The following SLC26A7 variants were observed in gnomAD, a reference collection of about 807,000 sequenced individuals.
SLC26A7 encodes the protein solute carrier family 26 member 7.
SLC26A7 carries 59 observed loss-of-function variants against 82.5 expected under a neutral mutation model. That is an observed-to-expected ratio of 0.72 (90% CI 0.58 to 0.89). The LOEUF (loss-of-function observed/expected upper bound fraction) is 0.89, where lower values mean the gene tolerates loss of function less well. Ranked by LOEUF, SLC26A7 falls within the 40% of genes least tolerant of loss-of-function variation. SLC26A7 has a pLI of 0.00. For missense variants in SLC26A7, 820 were observed against 793.0 expected (o/e 1.03, Z -0.41); for synonymous variants, 271 against 274.3 (o/e 0.99, Z 0.12).
In SLC26A7 at chr8:91,249,788, A is replaced by T. The variant is rs1810609777; in HGVS notation, c.137A>T (p.Asn46Ile). The T allele has an allele frequency of 6.2e-7, 1 of 1,612,146 alleles. No homozygotes were observed. Residue 46 changes from asparagine (N) to isoleucine (I), a missense_variant, in exon 2 of 19, where the codon AAC (asparagine) becomes ATC (isoleucine). By Grantham distance (149) the Asn-to-Ile change is moderately radical. Transcript: ENST00000276609. ...DWAPHYNLKE[N>I]LLPDTVSGIM... Reference sequence around the variant, plus strand: ...GCACCACATTACAATCTGAAAGAAAACTTGCTTCCAGACACTGTGTCTGGG... The same window carrying T: ...GCACCACATTACAATCTGAAAGAAATCTTGCTTCCAGACACTGTGTCTGGG...
chr8:91,275,643 G>A (rs762964807), intron 2 of SLC26A7, among the ~76,000 whole-genome samples: 16 of 152,142 alleles, frequency 1.1e-4, no homozygotes, highest in Middle Eastern at 3.2e-3. Context: ...CATGATACAT[G>A]TGGATCCATG....
intron 10 of SLC26A7, among the ~76,000 whole-genome samples, chr8:91,352,213 G>C (rs1411202800): frequency 1.3e-5 from 2 of 152,062 alleles, no homozygotes; most frequent in Non-Finnish European, 2.9e-5. Context: ...TTGACTGTTA[G>C]AAAAACATAT....
chr8:91,390,691 G>A (rs1814940432), intron 16 of SLC26A7, among the ~76,000 whole-genome samples: 1 of 151,962 alleles, frequency 6.6e-6, no homozygotes, highest in Non-Finnish European at 1.5e-5. Flanking sequence ...GAAATTTCTA[G>A]AGTTCTTTCC....
At chr8:91,368,645 G>T (rs1000709653) in intron 14 of SLC26A7, among the ~76,000 whole-genome samples, 1 of 151,706 alleles carries the variant, frequency 6.6e-6, no homozygotes, top group African/African-American at 2.4e-5. Flanking sequence ...GGATGGTCTC[G>T]ATCTCCTGAC....
chr8:91,269,829 A>C (rs1039907154), intron 2 of SLC26A7, among the ~76,000 whole-genome samples: 1 of 151,382 alleles, frequency 6.6e-6, no homozygotes, highest in South Asian at 2.1e-4. Context: ...TCTATGTTTG[A>C]GCTCGCTTAG....
At chr8:91,392,371 A>T (rs1035639762) in intron 16 of SLC26A7, among the ~76,000 whole-genome samples, 1 of 152,154 alleles carries the variant, frequency 6.6e-6, no homozygotes. Flanking sequence ...GCTTTTCGGT[A>T]AACTGGAAGT....
chr8:91,327,964 A>T (rs1812978574), intron 5 of SLC26A7, among the ~76,000 whole-genome samples: 1 of 152,246 alleles, frequency 6.6e-6, no homozygotes, highest in South Asian at 2.1e-4. Flanking sequence ...ATGCTCTAAA[A>T]ATGTTTAAAT....
At chr8:91,228,795 A>G (rs1810273980) in intron 2 of SLC26A7, among the ~76,000 whole-genome samples, 2 of 152,304 alleles carry the variant, frequency 1.3e-5, no homozygotes, top group East Asian at 1.9e-4. Context: ...TTATTATTTT[A>G]TCTTTCCAAA....
Position 91,339,355 on chromosome 8 carries a change from C to T in SLC26A7, c.879-1049C>T, listed in dbSNP as rs191034713. Among the ~76,000 whole-genome samples the T allele has an allele frequency of 7.9e-5, 12 of 152,158 alleles. No individual in the cohort carries two copies. The East Asian group carries it at 2.1e-3, about 27-fold the overall frequency. ...TGAGTGACCTTTCCAGACCCATCCG[C>T]TAAAGGAATTATAACAAGAACATGG... is the stretch of plus-strand genomic sequence containing the variant. On this transcript the variant is annotated intron_variant, in intron 7 of 18. Transcript: ENST00000276609.
Position 91,311,431 on chromosome 8 carries a change from T to TTA in SLC26A7, c.478-6774_478-6773dup, listed in dbSNP as rs145148984. ...CCTAAATGATTAGTTAGATATATAT[T>TTA]TATATATATATACACACACTCACAC... On this transcript the variant is annotated intron_variant, in intron 4 of 18. Transcript: ENST00000276609. Among the ~76,000 whole-genome samples, 259 of 151,678 alleles carry TTA rather than the reference T, an allele frequency of 1.7e-3. 2 individuals carry two copies. Among genetic ancestry groups the TTA allele is most frequent in the African/African-American group, 5.7e-3 (236 of 41,380 alleles).
At chr8:91,221,652 T>C (rs879516868) in intron 2 of SLC26A7, among the ~76,000 whole-genome samples, 3 of 152,086 alleles carry the variant, frequency 2.0e-5, no homozygotes, top group Non-Finnish European at 4.4e-5. Context: ...GCTTGTTTTT[T>C]TCAGGTTTGT....
At chr8:91,264,685 GT>G (rs919846059) in intron 2 of SLC26A7, among the ~76,000 whole-genome samples, 3 of 151,996 alleles carry the variant, frequency 2.0e-5, no homozygotes, top group African/African-American at 7.2e-5. Flanking sequence ...CTTTAAGAGT[GT>G]TTACTTTCAT....
At chr8:91,234,815 ACCTACCTACCTACTTC>A (rs1405479239) in intron 2 of SLC26A7, among the ~76,000 whole-genome samples, 38 of 116,378 alleles carry the variant, frequency 3.3e-4, no homozygotes, top group African/African-American at 7.1e-4. Flanking sequence ...CTACCTACCT[ACCTACCTACCTACTTC>A]CTTCCTTCCT....
At chr8:91,394,891 T>C in intron 18 of SLC26A7, 171 bp from the exon 19 acceptor site, 1 of 393,494 alleles carries the variant, frequency 2.5e-6, no homozygotes, top group Non-Finnish European at 3.5e-6. Context: ...GAGTCAGCAG[T>C]TTGAGTTTGG....
chr8:91,290,563 T>A (rs1811836468), intron 3 of SLC26A7, among the ~76,000 whole-genome samples: 1 of 152,188 alleles, frequency 6.6e-6, no homozygotes, highest in Non-Finnish European at 1.5e-5. Flanking sequence ...GACTCTGATC[T>A]TTTGCCTCCA....
intron 4 of SLC26A7, among the ~76,000 whole-genome samples, chr8:91,310,547 A>G (rs1179846937): frequency 6.6e-6 from 1 of 151,844 alleles, no homozygotes; most frequent in Non-Finnish European, 1.5e-5. Flanking sequence ...GAATGTTAAA[A>G]CGAAATAAGG....
intron 2 of SLC26A7, among the ~76,000 whole-genome samples, chr8:91,239,414 ATATGTATATATATGTATATATGTG>A (rs1481398995): frequency 3.8e-5 from 4 of 104,648 alleles, no homozygotes; most frequent in Non-Finnish European, 8.2e-5. Context: ...ATATATATGT[ATATGTATATATATGTATATATGTG>A]TATATGTGTA....
intron 2 of SLC26A7, among the ~76,000 whole-genome samples, chr8:91,230,638 G>C (rs946156249): frequency 2.6e-5 from 4 of 152,150 alleles, no homozygotes; most frequent in Non-Finnish European, 5.9e-5. Context: ...CCCTTTTCAG[G>C]GGGTTACTAT....
chr8:91,239,453 CGTATATATATGTGTATATAT>C (rs1049053575), intron 2 of SLC26A7, among the ~76,000 whole-genome samples: 9 of 143,998 alleles, frequency 6.3e-5, no homozygotes, highest in Non-Finnish European at 9.0e-5. Flanking sequence ...TGTGTATATA[CGTATATATATGTGTATATAT>C]GTATATATAT....
Sources: gnomAD v4.1 joint callset for allele counts (sites outside exome capture counted in the v4.1 genomes callset) on GRCh38, gnomAD v4.1.1 for gene constraint, MANE v1.5 for transcripts, NCBI Gene and HGNC (gene_info 2026-07-23, HGNC 2026-07-21) for gene names.